The following BBS9 variants were observed in gnomAD, a reference collection of about 807,000 sequenced individuals.
BBS9 encodes the protein Bardet-Biedl syndrome 9.
Under a neutral mutation model 117.7 loss-of-function variants are expected in BBS9, and 89 were observed. The ratio of observed to expected loss-of-function variants is 0.76; its 90% CI spans 0.64 to 0.90. BBS9 has a LOEUF of 0.90. Ranked by LOEUF, BBS9 falls within the 40% of genes least tolerant of loss-of-function variation. BBS9 has a pLI of 0.00. For missense variants in BBS9, 982 were observed against 1,042.2 expected (o/e 0.94, Z 0.80); for synonymous variants, 379 against 370.9 (o/e 1.02, Z -0.25).
intron 6 of BBS9, among the ~76,000 whole-genome samples, chr7:33,259,424 AG>A: frequency 6.6e-6 from 1 of 152,336 alleles, no homozygotes; most frequent in Non-Finnish European, 1.5e-5. Flanking sequence ...TTAATAGGTT[AG>A]GGGATAAGAC....
rs561612882 is a variant in BBS9 at position 33,587,705 on chromosome 7, T to C, written c.2522-17160T>C. Among the ~76,000 whole-genome samples, 7 of 152,172 alleles carry C rather than the reference T, an allele frequency of 4.6e-5. No individual in the cohort carries two copies. The South Asian group carries it at 1.2e-3, about 27-fold the overall frequency. Reference sequence around the variant, plus strand: ...TTTTTATTGCCAAAAAAATATAAGATAGAGATGGAGGTAAATGTGAATAAT... The same window carrying C: ...TTTTTATTGCCAAAAAAATATAAGACAGAGATGGAGGTAAATGTGAATAAT... On this transcript the variant is annotated intron_variant, in intron 21 of 22. Coordinates refer to ENST00000242067, the MANE Select transcript of BBS9 (RefSeq NM_198428.3).
At chr7:33,422,355 C>T (rs1381518560) in intron 19 of BBS9, among the ~76,000 whole-genome samples, 1 of 152,096 alleles carries the variant, frequency 6.6e-6, no homozygotes, top group Non-Finnish European at 1.5e-5. Context: ...AAATATTTAC[C>T]ATAGCAGAAT....
chr7:33,427,709 T>C (rs182977103), intron 19 of BBS9, among the ~76,000 whole-genome samples: 5 of 152,322 alleles, frequency 3.3e-5, no homozygotes, highest in Non-Finnish European at 7.4e-5. Flanking sequence ...ATTCATATTA[T>C]TCAGGATTTT....
intron 19 of BBS9, chr7:33,390,631 T>A (rs1826898245): frequency 1.0e-6 from 1 of 964,150 alleles, no homozygotes; most frequent in South Asian, 4.8e-5. Context: ...ATGAGCATAA[T>A]AAAGTCTATT....
chr7:33,285,098 A>G (rs574695961), intron 9 of BBS9, among the ~76,000 whole-genome samples: 68 of 147,524 alleles, frequency 4.6e-4, no homozygotes, highest in Non-Finnish European at 8.2e-4. Flanking sequence ...TTAGAAGTCA[A>G]TAGATAGTGT....
chr7:33,273,406 G>A (rs1233194733), intron 8 of BBS9, among the ~76,000 whole-genome samples: 1 of 152,170 alleles, frequency 6.6e-6, no homozygotes, highest in African/African-American at 2.4e-5. Flanking sequence ...TGTACAAAAT[G>A]ACTTGTAAAA....
chr7:33,582,568 G>T (rs981622893), intron 21 of BBS9, among the ~76,000 whole-genome samples: 4 of 151,758 alleles, frequency 2.6e-5, no homozygotes, highest in African/African-American at 9.7e-5. Flanking sequence ...TGCATCTGAT[G>T]CTCACAAGGT....
At chr7:33,596,871 C>T (rs17170309) in intron 21 of BBS9, among the ~76,000 whole-genome samples, 1 of 151,990 alleles carries the variant, frequency 6.6e-6, no homozygotes, top group African/African-American at 2.4e-5. Flanking sequence ...TTGCCAAAAA[C>T]TTTCTAAATA....
intron 20 of BBS9, among the ~76,000 whole-genome samples, chr7:33,521,156 A>G (rs1291851456): frequency 6.6e-6 from 1 of 152,204 alleles, no homozygotes; most frequent in Non-Finnish European, 1.5e-5. Context: ...GTTTTATAAT[A>G]ATTCAGGTAA....
chr7:33,372,166 A>G (rs1822997134), intron 17 of BBS9, among the ~76,000 whole-genome samples: 1 of 152,174 alleles, frequency 6.6e-6, no homozygotes, highest in South Asian at 2.1e-4. Context: ...TGAGAACAAG[A>G]GTTCAGAGAG....
intron 19 of BBS9, among the ~76,000 whole-genome samples, chr7:33,442,237 A>G (rs573652326): frequency 2.0e-5 from 3 of 152,164 alleles, no homozygotes; most frequent in Non-Finnish European, 4.4e-5. Flanking sequence ...TCAGTTTGAC[A>G]GTTGAATCCA....
At chr7:33,313,167 T>C (rs1161531514) in intron 9 of BBS9, among the ~76,000 whole-genome samples, 1 of 151,748 alleles carries the variant, frequency 6.6e-6, no homozygotes, top group Non-Finnish European at 1.5e-5. Flanking sequence ...TCATTTCTTC[T>C]AGGAAGCATT....
At chr7:33,322,695 T>G (rs990125117) in intron 9 of BBS9, among the ~76,000 whole-genome samples, 1 of 152,064 alleles carries the variant, frequency 6.6e-6, no homozygotes, top group Non-Finnish European at 1.5e-5. Flanking sequence ...ACCTTTTCTT[T>G]CATTGATTTT....
chr7:33,543,699 G>A (rs976626605), intron 21 of BBS9, among the ~76,000 whole-genome samples: 1 of 152,160 alleles, frequency 6.6e-6, no homozygotes, highest in Non-Finnish European at 1.5e-5. Flanking sequence ...TTTTTGCGAT[G>A]AATTTCCCAG....
rs1287476798 is a variant in BBS9 at position 33,287,757 on chromosome 7, A to G, written c.1016+13801A>G. 3.9e-5 allele frequency among the ~76,000 whole-genome samples: 6 copies of G among 152,242 alleles called. No homozygotes were observed. In the East Asian group the frequency reaches 1.2e-3, roughly 29 times the overall value. On this transcript the variant is annotated intron_variant, in intron 9 of 22. Transcript: ENST00000242067. ...TGTGCTAAAAAAAGGATAGATACCCATATAATGTTTTGTGTGTGTAATATT... is the reference window on the plus strand; with the variant it reads ...TGTGCTAAAAAAAGGATAGATACCCGTATAATGTTTTGTGTGTGTAATATT...
intron 9 of BBS9, among the ~76,000 whole-genome samples, chr7:33,287,668 C>T (rs1306392417): frequency 6.6e-6 from 1 of 151,644 alleles, no homozygotes; most frequent in African/African-American, 2.4e-5. Context: ...ACTTTTGTTC[C>T]CTAAAGTGCA....
chr7:33,326,828 T>C (rs1490587198), intron 9 of BBS9, among the ~76,000 whole-genome samples: 1 of 151,924 alleles, frequency 6.6e-6, no homozygotes, highest in East Asian at 2.0e-4. Context: ...AGTGCCTTAT[T>C]CTACTGTGGA....
intron 19 of BBS9, among the ~76,000 whole-genome samples, chr7:33,472,840 A>G (rs1475731926): frequency 6.6e-6 from 1 of 152,218 alleles, no homozygotes; most frequent in Non-Finnish European, 1.5e-5. Flanking sequence ...GGAACTTGCC[A>G]CATGATAAAC....
intron 5 of BBS9, among the ~76,000 whole-genome samples, chr7:33,235,068 G>C (rs1410528555): frequency 1.3e-5 from 2 of 152,100 alleles, no homozygotes; most frequent in African/African-American, 4.8e-5. Flanking sequence ...ATGTGAAAAT[G>C]CCATTAAGTA....
Sources: allele counts gnomAD v4.1 joint callset (sites outside exome capture counted in the v4.1 genomes callset), GRCh38; gene constraint gnomAD v4.1.1; transcripts MANE v1.5; gene names NCBI Gene and HGNC (gene_info 2026-07-23, HGNC 2026-07-21).